The following TRHDE variants were observed in gnomAD, a reference collection of about 807,000 sequenced individuals.
TRHDE encodes the protein thyrotropin releasing hormone degrading enzyme.
Under a neutral mutation model 125.7 loss-of-function variants are expected in TRHDE, and 72 were observed. The ratio of observed to expected loss-of-function variants is 0.57; its 90% CI spans 0.47 to 0.70. TRHDE has a LOEUF of 0.70. TRHDE is among the 30% of genes least tolerant of loss of function. The pLI, the probability that TRHDE is intolerant of heterozygous loss-of-function variation, is 0.00. For synonymous variants in TRHDE, 509 were observed against 509.1 expected (o/e 1.00, Z 0.00); for missense variants, 1,110 against 1,327.1 (o/e 0.84, Z 2.54).
At chr12:72,544,202 T>A (rs746507855) in intron 7 of TRHDE, among the ~76,000 whole-genome samples, 3 of 151,436 alleles carry the variant, frequency 2.0e-5, no homozygotes, top group Admixed American at 6.6e-5. Flanking sequence ...TTACAGTAGA[T>A]CCCTACATCT....
chr12:72,292,354 A>C (rs1880120360), intron 2 of TRHDE, among the ~76,000 whole-genome samples: 1 of 152,242 alleles, frequency 6.6e-6, no homozygotes, highest in African/African-American at 2.4e-5. Flanking sequence ...GCTGAGGAGA[A>C]GGAAAAGTTT....
chr12:72,369,007 T>A (rs1386106128), intron 2 of TRHDE, among the ~76,000 whole-genome samples: 1 of 152,184 alleles, frequency 6.6e-6, no homozygotes, highest in African/African-American at 2.4e-5. Context: ...AGTGTCAGGA[T>A]AGCTGAAACT....
intron 6 of TRHDE, among the ~76,000 whole-genome samples, chr12:72,519,345 T>C (rs1347897235): frequency 6.6e-6 from 1 of 152,220 alleles, no homozygotes; most frequent in Non-Finnish European, 1.5e-5. Context: ...TACTCATTTC[T>C]TTTTATTCTT....
chr12:72,226,691 C>A lies in TRHDE; in HGVS notation n.279+120939C>A, dbSNP rs1464528389. Among the ~76,000 whole-genome samples the A allele has an allele frequency of 3.3e-5, 5 of 152,118 alleles. No individual in the cohort carries two copies. In the East Asian group the frequency reaches 7.7e-4, roughly 23 times the overall value. ...ACACTAAAGTGATAAATAGAATCAT[C>A]ATTTAAATGTGCTGAGGCTGGCATA... On this transcript the variant is annotated intron_variant and non_coding_transcript_variant, in intron 2 of 4. Transcript: ENST00000548156.
intron 3 of TRHDE, among the ~76,000 whole-genome samples, chr12:72,388,836 G>A (rs967136666): frequency 6.6e-6 from 1 of 151,200 alleles, no homozygotes; most frequent in Admixed American, 6.6e-5. Context: ...AAGAAGTTAT[G>A]TTTTGTACCT....
At chr12:72,258,606 G>A (rs1041010913) in intron 2 of TRHDE, among the ~76,000 whole-genome samples, 23 of 152,108 alleles carry the variant, frequency 1.5e-4, no homozygotes, top group Non-Finnish European at 2.5e-4. Context: ...GAACAGTATG[G>A]TGGACTCCTG....
rs372582867 is a variant in TRHDE, at chr12:72,402,195, C to T, written c.1315+24074C>T. Reference sequence around the variant, plus strand: ...AGGGGTGTCCAATCTTTTGGCTTCCCTGGGCCATGTTGGAAGAAGAATTGT... The same window carrying T: ...AGGGGTGTCCAATCTTTTGGCTTCCTTGGGCCATGTTGGAAGAAGAATTGT... On this transcript the variant is annotated intron_variant, in intron 3 of 18. Transcript: ENST00000261180. Among the ~76,000 whole-genome samples, 7 of 151,940 alleles carry T rather than the reference C, an allele frequency of 4.6e-5. No individual in the cohort carries two copies. In the South Asian group the frequency reaches 1.2e-3, roughly 27 times the overall value.
intron 6 of TRHDE, among the ~76,000 whole-genome samples, chr12:72,535,158 A>C (rs1463315787): frequency 6.6e-6 from 1 of 152,110 alleles, no homozygotes; most frequent in Non-Finnish European, 1.5e-5. Context: ...ATTTAAATGA[A>C]TTCTCAGAAA....
intron 3 of TRHDE, among the ~76,000 whole-genome samples, chr12:72,408,692 C>G (rs1031426142): frequency 6.6e-6 from 1 of 151,942 alleles, no homozygotes; most frequent in African/African-American, 2.4e-5. Flanking sequence ...CGAAAAGTAC[C>G]CTAGAAGACT....
intron 3 of TRHDE, among the ~76,000 whole-genome samples, chr12:72,457,383 A>G (rs1358329155): frequency 6.6e-6 from 1 of 152,092 alleles, no homozygotes; most frequent in Non-Finnish European, 1.5e-5. Flanking sequence ...TCATTACGCC[A>G]AGCACTCTCA....
chr12:72,272,311 G>C (rs907353534), upstream of TRHDE: 3 of 359,242 alleles, frequency 8.4e-6, no homozygotes, highest in East Asian at 1.5e-4. The surrounding 1 kb of genome is among the most constrained non-coding windows in gnomAD (Gnocchi z 6.7). Context: ...AGGGAGAGCC[G>C]GGAGCCGCAG....
At chr12:72,583,571 A>C (rs1871323639) in intron 12 of TRHDE, among the ~76,000 whole-genome samples, 1 of 152,216 alleles carries the variant, frequency 6.6e-6, no homozygotes, top group South Asian at 2.1e-4. Flanking sequence ...CAGTTTATGC[A>C]ACACTTTGCC....
At chr12:72,599,241 C>T (rs969005889) in intron 12 of TRHDE, among the ~76,000 whole-genome samples, 1 of 152,022 alleles carries the variant, frequency 6.6e-6, no homozygotes, top group Non-Finnish European at 1.5e-5. Context: ...TGGATATATA[C>T]CTAGTAATGA....
chr12:72,273,042 C>A lies in TRHDE; in HGVS notation c.399C>A (p.Gly133=). Residue 133 remains glycine (G), a synonymous_variant, in exon 1 of 19, where the codon GGC becomes GGA. Transcript: ENST00000261180. The surrounding 1 kb of genome is among the most constrained non-coding windows in gnomAD (Gnocchi z 5.3). Reference sequence around the variant, plus strand: ...CCTCAGGCTTTCCGGAGCGCGGCGGCAACGGGAGCCTCCCTGGATCGGCCC... The same window carrying A: ...CCTCAGGCTTTCCGGAGCGCGGCGGAAACGGGAGCCTCCCTGGATCGGCCC... ...GGPSGFPERG[G]NGSLPGSARR... 1 of 1,536,634 alleles carries A rather than the reference C, an allele frequency of 6.5e-7. No homozygotes were observed. Among genetic ancestry groups the A allele is most frequent in the East Asian group, 2.4e-5 (1 of 41,020 alleles).
chr12:72,572,478 A>C (rs1317237602), intron 10 of TRHDE, among the ~76,000 whole-genome samples: 2 of 152,118 alleles, frequency 1.3e-5, no homozygotes, highest in African/African-American at 4.8e-5. Flanking sequence ...ATTGGAAAAG[A>C]TCTCTTTAAA....
At chr12:72,319,626 C>T (rs995820939) in intron 2 of TRHDE, among the ~76,000 whole-genome samples, 4 of 152,166 alleles carry the variant, frequency 2.6e-5, no homozygotes, top group Non-Finnish European at 4.4e-5. Context: ...ATCTGGCCAT[C>T]AGATTTTCTG....
intron 15 of TRHDE, among the ~76,000 whole-genome samples, chr12:72,637,010 T>G (rs1468810868): frequency 1.3e-5 from 2 of 152,230 alleles, no homozygotes; most frequent in Admixed American, 1.3e-4. Flanking sequence ...AGGATGATGC[T>G]GGCCTCATAA....
chr12:72,318,596 A>G (rs1288773366), intron 2 of TRHDE, among the ~76,000 whole-genome samples: 1 of 152,112 alleles, frequency 6.6e-6, no homozygotes, highest in Non-Finnish European at 1.5e-5. Context: ...GTGTGAGGCT[A>G]ACTCCCAGGT....
At chr12:72,315,799 G>T (rs998557469) in intron 2 of TRHDE, among the ~76,000 whole-genome samples, 21 of 152,314 alleles carry the variant, frequency 1.4e-4, no homozygotes, top group African/African-American at 5.1e-4. Flanking sequence ...TGGTACTGAT[G>T]GGAAAGGAGA....
Sources: gnomAD v4.1 joint callset for allele counts (sites outside exome capture counted in the v4.1 genomes callset) on GRCh38, gnomAD v4.1.1 for gene constraint, Gnocchi (gnomAD v3.1) non-coding constraint, MANE v1.5 for transcripts, NCBI Gene and HGNC (gene_info 2026-07-23, HGNC 2026-07-21) for gene names.